The following TJAP1 variants were observed in gnomAD, a reference collection of about 807,000 sequenced individuals.
The protein encoded by TJAP1 is tight junction-associated protein 1.
In TJAP1, 27 loss-of-function variants were observed where a neutral mutation model predicts 42.0. The ratio of observed to expected loss-of-function variants is 0.64; its 90% CI spans 0.47 to 0.89. The LOEUF (loss-of-function observed/expected upper bound fraction) is 0.89, where lower values mean the gene tolerates loss of function less well. Ranked by LOEUF, TJAP1 falls within the 40% of genes least tolerant of loss-of-function variation. TJAP1 has a pLI of 0.00. For synonymous variants in TJAP1, 257 were observed against 288.4 expected (o/e 0.89, Z 1.10); for missense variants, 712 against 726.9 (o/e 0.98, Z 0.24).
chr6:43,503,739 A>G (rs143862777), intron 10 of TJAP1, 33 bp downstream of exon 10: 100 of 1,593,304 alleles, frequency 6.3e-5, no homozygotes, highest in Non-Finnish European at 8.2e-5. Flanking sequence ...CTGCCCACAT[A>G]GACCATTCCG....
chr6:43,494,395 A>G (rs1332873084), intron 2 of TJAP1, among the ~76,000 whole-genome samples: 2 of 152,094 alleles, frequency 1.3e-5, no homozygotes, highest in Non-Finnish European at 2.9e-5. Context: ...GGGATGGGGA[A>G]GGGTTGCTGC....
At chr6:43,499,296 A>G (rs1003660263) in intron 4 of TJAP1, among the ~76,000 whole-genome samples, 196 bp downstream of exon 4, 1 of 152,196 alleles carries the variant, frequency 6.6e-6, no homozygotes, top group Non-Finnish European at 1.5e-5. Context: ...GTCTGTGAGT[A>G]TATGTCCACA....
intron 3 of TJAP1, 62 bp from the exon 4 acceptor site, chr6:43,498,916 T>C: frequency 6.5e-7 from 1 of 1,549,358 alleles, no homozygotes; most frequent in Non-Finnish European, 8.7e-7. Context: ...TCTTTGTTTT[T>C]TCTCAGTCCA....
chr6:43,494,983 G>A (rs551491675), intron 2 of TJAP1, among the ~76,000 whole-genome samples: 2 of 152,352 alleles, frequency 1.3e-5, no homozygotes, highest in East Asian at 1.9e-4. Flanking sequence ...CTTGGCTGCC[G>A]CTTGCTCATC....
Position 43,491,066 on chromosome 6 carries a change from A to G in TJAP1, c.-121-6815A>G, listed in dbSNP as rs949129937. Among the ~76,000 whole-genome samples, 4 of 152,200 alleles carry G rather than the reference A, an allele frequency of 2.6e-5. No homozygotes were observed. Among genetic ancestry groups the G allele is most frequent in the African/African-American group, 9.7e-5 (4 of 41,448 alleles). On this transcript the variant is annotated intron_variant, in intron 2 of 10. Coordinates refer to ENST00000372449, the Ensembl canonical transcript of TJAP1. This position sits in a 1 kb window ranked among gnomAD's most constrained non-coding sequence, Gnocchi z 4.6. ...AGGGAGGCTGGACAGGGGGAGCTTGAGAACAGAAGGCTGCCTAAGTGGATT... is the reference window on the plus strand; with the variant it reads ...AGGGAGGCTGGACAGGGGGAGCTTGGGAACAGAAGGCTGCCTAAGTGGATT...
In TJAP1 at chr6:43,504,942, G is replaced by GC; in HGVS notation, c.765dup (p.Ala257GlyfsTer2). On this transcript the variant is annotated frameshift_variant, in exon 11 of 11. Transcript: ENST00000372449. LOFTEE classifies it high-confidence loss of function. ...TCAGCCCAGTCAGGCAGCGCCGGGC[G>GC]CCCCTTGGCTGAGGATGTCTTTGTG... is the stretch of plus-strand genomic sequence containing the variant. The GC allele has an allele frequency of 6.2e-7, 1 of 1,614,138 alleles. No homozygotes were observed. The highest frequency in any genetic ancestry group is 8.5e-7 in the Non-Finnish European group (1 of 1,180,026).
At chr6:43,501,452 C>T (rs190469232) in intron 5 of TJAP1, 74 bp from the exon 6 acceptor site, 2 of 1,397,274 alleles carry the variant, frequency 1.4e-6, no homozygotes, top group East Asian at 4.6e-5. Flanking sequence ...CTTCCTGAGC[C>T]CACTCTGGAG....
chr6:43,501,559 G>A (rs773139624), exon 6 of TJAP1: 5 of 1,613,900 alleles, frequency 3.1e-6, no homozygotes, highest in Admixed American at 1.7e-5. Flanking sequence ...AGCTTCGCCG[G>A]CGCCTGGCCT....
At position 43,491,023 on chromosome 6, in the gene TJAP1, C is replaced by T. The variant is rs1362287371; in HGVS notation, c.-121-6858C>T. Among the ~76,000 whole-genome samples, 5 of 152,150 alleles carry T rather than the reference C, an allele frequency of 3.3e-5. No individual in the cohort carries two copies. The highest frequency in any genetic ancestry group is 2.0e-4 in the Admixed American group (3 of 15,278). On this transcript the variant is annotated intron_variant, in intron 2 of 10. Coordinates refer to ENST00000372449, the Ensembl canonical transcript of TJAP1. This position sits in a 1 kb window ranked among gnomAD's most constrained non-coding sequence, Gnocchi z 4.6. The stretch of plus-strand genomic sequence containing the variant: ...CTAGATAGACTGTGGCTTCGGCTTC[C>T]GGAGGCAGTGTGGTGCTAGGGAGGC...
chr6:43,504,642 G>A (rs1183758817), intron 10 of TJAP1, 119 bp from the exon 11 acceptor site: 33 of 1,279,520 alleles, frequency 2.6e-5, no homozygotes, highest in Non-Finnish European at 3.6e-5. Context: ...AAGAACAGGA[G>A]ATAGCAGAGT....
Position 43,477,642 on chromosome 6 carries a change from T to C in TJAP1, c.-268+14T>C, listed in dbSNP as rs943433237. ...CAGCGGCGGAAAGTTTGTTGTGGGGTTGGAGTAGTCGGGCGGGGAAGCCAG... is the reference window on the plus strand; with the variant it reads ...CAGCGGCGGAAAGTTTGTTGTGGGGCTGGAGTAGTCGGGCGGGGAAGCCAG... On this transcript the variant is annotated intron_variant, in intron 1 of 10. Transcript: ENST00000372449. The C allele has an allele frequency of 1.3e-5, 2 of 151,916 alleles. No homozygotes were observed. Among genetic ancestry groups the C allele is most frequent in the Non-Finnish European group, 1.5e-5 (1 of 68,154 alleles). The allele number at this position is 151,916 out of a possible 1,614,324, so 9.4% of individuals were successfully genotyped here.
At chr6:43,493,279 AG>A (rs1788235803) in intron 2 of TJAP1, among the ~76,000 whole-genome samples, 1 of 152,312 alleles carries the variant, frequency 6.6e-6, no homozygotes, top group Admixed American at 6.5e-5. Context: ...ATTCATTGAC[AG>A]CTGAGAGCAG....
chr6:43,503,361 C>A, intron 8 of TJAP1, 40 bp from the exon 9 acceptor site: 1 of 1,526,210 alleles, frequency 6.6e-7, no homozygotes, highest in Non-Finnish European at 9.1e-7. Context: ...GAAGGGCTGG[C>A]TAGAGTGTGG....
intron 8 of TJAP1, 176 bp downstream of exon 8, chr6:43,502,793 C>A: frequency 1.3e-6 from 1 of 745,260 alleles, no homozygotes; most frequent in South Asian, 1.6e-5. Context: ...AGGTGGGGAG[C>A]CTAGCCTGCT....
intron 2 of TJAP1, among the ~76,000 whole-genome samples, chr6:43,480,328 G>T (rs144731262): frequency 6.6e-6 from 1 of 152,130 alleles, no homozygotes; most frequent in Non-Finnish European, 1.5e-5. Flanking sequence ...TTTTTTTGTC[G>T]TGAGAATATC....
intron 6 of TJAP1, among the ~76,000 whole-genome samples, chr6:43,502,010 G>A (rs1163525317): frequency 4.0e-5 from 4 of 100,234 alleles, no homozygotes; most frequent in Non-Finnish European, 5.6e-5. Context: ...ATTCTTATTA[G>A]AAAACTGGAT....
intron 2 of TJAP1, among the ~76,000 whole-genome samples, chr6:43,489,399 A>G (rs1023292659): frequency 6.6e-6 from 1 of 152,198 alleles, no homozygotes; most frequent in African/African-American, 2.4e-5. Context: ...GCCCAGCTGT[A>G]GGCCAGGCAC....
exon 11 of TJAP1, chr6:43,504,968 C>T: frequency 6.2e-7 from 1 of 1,614,142 alleles, no homozygotes; most frequent in African/African-American, 1.3e-5. Flanking sequence ...TGTCTTTGTG[C>T]ATGTGGACAT....
At chr6:43,477,835 G>T (rs551977478) in intron 1 of TJAP1, among the ~76,000 whole-genome samples, 3 of 150,992 alleles carry the variant, frequency 2.0e-5, no homozygotes, top group Non-Finnish European at 4.4e-5. Flanking sequence ...AGGGGAGGGG[G>T]ATTTGGGGGC....
Sources: gnomAD v4.1 joint callset for allele counts (sites outside exome capture counted in the v4.1 genomes callset) on GRCh38, gnomAD v4.1.1 for gene constraint, Gnocchi (gnomAD v3.1) non-coding constraint, MANE v1.5 for transcripts, NCBI Gene and HGNC (gene_info 2026-07-23, HGNC 2026-07-21) for gene names.